LAMA2: variants seen among roughly 807,000 people sequenced by gnomAD.
LAMA2 encodes the protein laminin subunit alpha 2.
In LAMA2, 269 loss-of-function variants were observed where a neutral mutation model predicts 364.8. That is an observed-to-expected ratio of 0.74 (90% CI 0.67 to 0.82). The LOEUF is 0.82. Among genes scored for constraint, LAMA2 ranks in the 40% least tolerant of loss-of-function variants. The probability of loss-of-function intolerance (pLI) is 0.00; values close to 1 mark genes in which losing one functional copy is unlikely to be tolerated. For synonymous variants in LAMA2, 1,379 were observed against 1,370.6 expected (o/e 1.01, Z -0.14); for missense variants, 3,807 against 3,873.2 (o/e 0.98, Z 0.45).
Position 129,481,289 on chromosome 6 carries a change from G to A in LAMA2, c.7599G>A (p.Lys2533=). 6.2e-7 allele frequency: 1 copy of A among 1,613,662 alleles called. No individual in the cohort carries two copies. Among genetic ancestry groups the A allele is most frequent in the Non-Finnish European group, 8.5e-7 (1 of 1,179,776 alleles). The part of the protein sequence containing the change: ...LENVYTVSFP[K]PGFVELSPVP... Reference sequence around the variant, plus strand: ...ATGTTTACACAGTTAGCTTTCCTAAGCCTGGTTTTGTGGAGCTCTCCCCTG... The same window carrying A: ...ATGTTTACACAGTTAGCTTTCCTAAACCTGGTTTTGTGGAGCTCTCCCCTG... The change falls in exon 55 of 65, where the codon AAG becomes AAA. Residue 2533 remains lysine, a synonymous_variant. Transcript: ENST00000421865.
chr6:129,293,556 T>A (rs1248825727), intron 20 of LAMA2, among the ~76,000 whole-genome samples: 3 of 152,210 alleles, frequency 2.0e-5, no homozygotes, highest in Non-Finnish European at 1.5e-5. Flanking sequence ...AGAAACACAT[T>A]TTCACACACT....
intron 3 of LAMA2, among the ~76,000 whole-genome samples, chr6:129,097,147 C>T (rs1165699885): frequency 6.6e-6 from 1 of 152,192 alleles, no homozygotes; most frequent in African/African-American, 2.4e-5. Context: ...TACCTCATAG[C>T]ATTTACTAGT....
chr6:129,292,529 A>G (rs1239894683), intron 20 of LAMA2, among the ~76,000 whole-genome samples: 1 of 152,248 alleles, frequency 6.6e-6, no homozygotes, highest in Non-Finnish European at 1.5e-5. Context: ...ATTAAAATAC[A>G]GCATGTTGTT....
At chr6:129,204,515 C>A (rs1025950165) in intron 12 of LAMA2, among the ~76,000 whole-genome samples, 19 of 151,668 alleles carry the variant, frequency 1.3e-4, no homozygotes, top group African/African-American at 4.6e-4. Flanking sequence ...ATAAACACAC[C>A]GACAGGGTAA....
At chr6:129,040,785 C>T (rs763820001) in intron 1 of LAMA2, among the ~76,000 whole-genome samples, 11 of 152,170 alleles carry the variant, frequency 7.2e-5, no homozygotes, top group Non-Finnish European at 1.5e-4. Context: ...GTTGTCACTG[C>T]TGGAGAAAAC....
rs184243762 is a variant in LAMA2, at chr6:129,312,842, G to C, written c.3175-19G>C. The C allele has an allele frequency of 2.5e-6, 4 of 1,576,512 alleles. No homozygotes were observed. The African/African-American group carries it at 4.0e-5, about 16-fold the overall frequency. The stretch of plus-strand genomic sequence containing the variant: ...CCATAAAGTTGTGTTAATGGTTGCT[G>C]TTTTTATCTCCTCTATAGGCTTGTA... On this transcript the variant is annotated intron_variant, in intron 22 of 64. Coordinates refer to ENST00000421865, the MANE Select transcript of LAMA2 (RefSeq NM_000426.4).
At chr6:129,200,445 T>TATGTATATATATACATGTACACATATAC (rs1782200709) in intron 12 of LAMA2, among the ~76,000 whole-genome samples, 2 of 150,204 alleles carry the variant, frequency 1.3e-5, no homozygotes, top group East Asian at 2.0e-4. Context: ...CATATACATA[T>TATGTATATATATACATGTACACATATAC]ATGTATATAT....
At chr6:129,377,569 C>T (rs1200597990) in intron 34 of LAMA2, among the ~76,000 whole-genome samples, 1 of 152,086 alleles carries the variant, frequency 6.6e-6, no homozygotes, top group Non-Finnish European at 1.5e-5. Flanking sequence ...CTGATGAGTG[C>T]TTCACTACCA....
chr6:129,442,433 A>G (rs547815720), intron 43 of LAMA2, among the ~76,000 whole-genome samples: 85 of 152,328 alleles, frequency 5.6e-4, no homozygotes, highest in Non-Finnish European at 9.8e-4. Context: ...GATTTATGCC[A>G]AATCACAATA....
intron 35 of LAMA2, among the ~76,000 whole-genome samples, chr6:129,387,968 A>T (rs1378544210): frequency 1.3e-5 from 2 of 152,106 alleles, no homozygotes; most frequent in Non-Finnish European, 2.9e-5. Flanking sequence ...TTTAAAACCT[A>T]GATGATGGGC....
chr6:128,964,768 A>G (rs1245586531), intron 1 of LAMA2, among the ~76,000 whole-genome samples: 1 of 152,036 alleles, frequency 6.6e-6, no homozygotes, highest in African/African-American at 2.4e-5. Flanking sequence ...GAAATCTGAA[A>G]TGTTTGCTCT....
intron 12 of LAMA2, among the ~76,000 whole-genome samples, chr6:129,198,130 A>C (rs1562321600): frequency 6.6e-6 from 1 of 152,094 alleles, no homozygotes; most frequent in Non-Finnish European, 1.5e-5. Flanking sequence ...TTGGCAACAA[A>C]ACTTACGTAA....
At chr6:129,294,615 TA>T (rs1789955008) in intron 20 of LAMA2, among the ~76,000 whole-genome samples, 2 of 152,160 alleles carry the variant, frequency 1.3e-5, no homozygotes, top group Non-Finnish European at 2.9e-5. Flanking sequence ...TTAAGATTTC[TA>T]CATATGAATT....
rs376432257 is a variant in LAMA2 at position 129,414,966 on chromosome 6, T to A, written c.5865+11007T>A. Among the ~76,000 whole-genome samples, 32 of 152,346 alleles carry A rather than the reference T, an allele frequency of 2.1e-4. No homozygotes were observed. In the East Asian group the frequency reaches 5.2e-3, roughly 25 times the overall value. On this transcript the variant is annotated intron_variant, in intron 40 of 64. Transcript: ENST00000421865. ...CTATGATGAAGGAGATGTAGTTCAC[T>A]TACAGAATATCACATCACATTTTCC...
intron 4 of LAMA2, among the ~76,000 whole-genome samples, chr6:129,133,103 T>C (rs1303067978): frequency 6.6e-6 from 1 of 152,216 alleles, no homozygotes; most frequent in East Asian, 1.9e-4. Flanking sequence ...CTTACAGTTG[T>C]ACACATAGAC....
chr6:129,190,076 A>G, intron 10 of LAMA2, 129 bp from the exon 11 acceptor site: 2 of 915,016 alleles, frequency 2.2e-6, no homozygotes, highest in Non-Finnish European at 3.5e-6. Flanking sequence ...TAAAAATATC[A>G]TTATACGTTA....
intron 1 of LAMA2, among the ~76,000 whole-genome samples, chr6:128,986,795 A>T (rs1245984857): frequency 6.6e-6 from 1 of 152,072 alleles, no homozygotes; most frequent in Non-Finnish European, 1.5e-5. Context: ...CATTTGCTTC[A>T]TTTGACTTTT....
chr6:128,929,033 C>T (rs1779273896), intron 1 of LAMA2: 8 of 1,425,888 alleles, frequency 5.6e-6, no homozygotes, highest in Non-Finnish European at 7.9e-6. Context: ...ATTCAAGAAG[C>T]CAATGGTATC....
chr6:128,911,615 G>C (rs951562189), intron 1 of LAMA2, among the ~76,000 whole-genome samples: 1 of 152,156 alleles, frequency 6.6e-6, no homozygotes, highest in Non-Finnish European at 1.5e-5. Flanking sequence ...GCTCACGCTG[G>C]GAGCTGTAGA....
Sources: gnomAD v4.1 joint callset for allele counts (sites outside exome capture counted in the v4.1 genomes callset) on GRCh38, gnomAD v4.1.1 for gene constraint, MANE v1.5 for transcripts, NCBI Gene and HGNC (gene_info 2026-07-23, HGNC 2026-07-21) for gene names.